GRM1: variants seen among roughly 807,000 people sequenced by gnomAD.
GRM1 encodes the protein metabotropic glutamate receptor 1.
Under a neutral mutation model 90.9 loss-of-function variants are expected in GRM1, and 33 were observed. The ratio of observed to expected loss-of-function variants is 0.36; its 90% confidence interval spans 0.28 to 0.49. GRM1 has a LOEUF of 0.49. Ranked by LOEUF, GRM1 falls within the 20% of genes least tolerant of loss-of-function variation. The pLI is 0.99. For missense variants in GRM1, 1,190 were observed against 1,534.3 expected, an observed-to-expected ratio of 0.78 and a Z score of 3.75; for synonymous variants, 700 against 613.2, an observed-to-expected ratio of 1.14 and a Z score of -2.09.
rs1164238044 is a variant in GRM1, at chr6:146,409,553, T to G, written c.2660+9854T>G. On this transcript the variant is annotated intron_variant, in intron 7 of 7. Coordinates refer to ENST00000282753, the MANE Select transcript of GRM1 (RefSeq NM_001278064.2). ...AAGAAAAGACGAACATTAAGTTTTGTTTTTGTTTTGTTTTGTTTTGTTTTG... is the reference window on the plus strand; with the variant it reads ...AAGAAAAGACGAACATTAAGTTTTGGTTTTGTTTTGTTTTGTTTTGTTTTG... 3.9e-5 allele frequency among the ~76,000 whole-genome samples: 6 copies of G among 152,126 alleles called. No homozygotes were observed. In the East Asian group the frequency reaches 1.2e-3, roughly 30 times the overall value.
chr6:146,256,139 G>T (rs1781469342), intron 2 of GRM1, among the ~76,000 whole-genome samples: 1 of 152,094 alleles, frequency 6.6e-6, no homozygotes, highest in Non-Finnish European at 1.5e-5. Flanking sequence ...GTTCAATCTG[G>T]GATCTGCCAC....
chr6:146,120,075 A>G (rs1209940968), intron 1 of GRM1, among the ~76,000 whole-genome samples: 1 of 152,216 alleles, frequency 6.6e-6, no homozygotes, highest in Non-Finnish European at 1.5e-5. Context: ...ATCCATGAGC[A>G]TGGAGTGTTC....
intron 1 of GRM1, among the ~76,000 whole-genome samples, chr6:146,047,974 C>T (rs1261197994): frequency 2.0e-5 from 3 of 151,976 alleles, no homozygotes; most frequent in African/African-American, 2.4e-5. Context: ...TTATGTCACT[C>T]CTTAATAGCA....
intron 7 of GRM1, among the ~76,000 whole-genome samples, chr6:146,408,729 G>A (rs1020247103): frequency 2.6e-5 from 4 of 152,182 alleles, no homozygotes; most frequent in South Asian, 2.1e-4. Flanking sequence ...CTGTTACTCC[G>A]TGTGAGATGT....
At chr6:146,036,548 T>G (rs1402696786) in intron 1 of GRM1, among the ~76,000 whole-genome samples, 1 of 151,952 alleles carries the variant, frequency 6.6e-6, no homozygotes, top group African/African-American at 2.4e-5. Flanking sequence ...ACATGAGAAA[T>G]TATAATTTTA....
At chr6:146,044,136 T>A (rs1480426554) in intron 1 of GRM1, among the ~76,000 whole-genome samples, 1 of 151,990 alleles carries the variant, frequency 6.6e-6, no homozygotes. Flanking sequence ...TTTGTCCCTT[T>A]TTGACAGGGC....
chr6:146,185,567 C>T (rs1778704143), intron 2 of GRM1, among the ~76,000 whole-genome samples: 1 of 152,220 alleles, frequency 6.6e-6, no homozygotes. Flanking sequence ...TCCACATCCA[C>T]TTTCTGCTTA....
chr6:146,087,630 G>A (rs1420143264), intron 1 of GRM1, among the ~76,000 whole-genome samples: 3 of 152,098 alleles, frequency 2.0e-5, no homozygotes, highest in Admixed American at 6.6e-5. Context: ...AGGCAACCAC[G>A]AATCTGTTTT....
At chr6:146,118,140 C>CTTTTTTTTTTTTTTTTTT (rs67033918) in intron 1 of GRM1, among the ~76,000 whole-genome samples, 6 of 115,444 alleles carry the variant, frequency 5.2e-5, no homozygotes, top group Middle Eastern at 5.4e-3. Flanking sequence ...TTCTTCTTTT[C>CTTTTTTTTTTTTTTTTTT]TTTTTTTTTT....
At chr6:146,268,262 A>G (rs1022806132) in intron 2 of GRM1, among the ~76,000 whole-genome samples, 2 of 152,338 alleles carry the variant, frequency 1.3e-5, no homozygotes, top group South Asian at 2.1e-4. Flanking sequence ...CCCGACCTAC[A>G]GTAACTTTCC....
chr6:146,236,911 G>A (rs1433873491), intron 2 of GRM1, among the ~76,000 whole-genome samples: 1 of 152,048 alleles, frequency 6.6e-6, no homozygotes, highest in African/African-American at 2.4e-5. Context: ...GAAGAGTCTG[G>A]AAGTGGGTCA....
intron 2 of GRM1, among the ~76,000 whole-genome samples, chr6:146,196,499 G>A (rs1204460069): frequency 6.9e-6 from 1 of 145,314 alleles, no homozygotes; most frequent in Non-Finnish European, 1.5e-5. Context: ...TAGAGACGGG[G>A]TTTCACCATG....
rs1785441503 is a variant in GRM1 at position 146,352,476 on chromosome 6, G to C, written c.1413G>C (p.Glu471Asp). ...GVSGEEVWFDEKGDAPGRYDI... is the reference protein window; with the variant it reads ...GVSGEEVWFDDKGDAPGRYDI... The stretch of plus-strand genomic sequence containing the variant: ...CTGGAGAGGAGGTGTGGTTTGATGA[G>C]AAAGGAGACGCTCCTGGAAGGTAAT... Residue 471 changes from glutamate (E) to aspartate (D), a missense_variant, in exon 4 of 8, where the codon GAG becomes GAC. Physicochemically the swap from Glu to Asp is conservative, Grantham distance 45 (BLOSUM62 2). Transcript: ENST00000282753. 2 of 1,613,706 alleles carry C rather than the reference G, an allele frequency of 1.2e-6. No homozygotes were observed. Among genetic ancestry groups the C allele is most frequent in the Non-Finnish European group, 1.7e-6 (2 of 1,179,804 alleles).
intron 1 of GRM1, among the ~76,000 whole-genome samples, chr6:146,064,706 G>A (rs958066568): frequency 4.5e-4 from 67 of 147,306 alleles, no homozygotes; most frequent in African/African-American, 1.6e-3. Context: ...CAGGAGAATC[G>A]CTTGAACCCG....
intron 7 of GRM1, among the ~76,000 whole-genome samples, chr6:146,433,002 C>T (rs558254428): frequency 6.6e-6 from 1 of 152,302 alleles, no homozygotes; most frequent in South Asian, 2.1e-4. Context: ...GTCTCAGTAA[C>T]TGCTGCTTTG....
chr6:146,348,155 A>G (rs1427748101), intron 3 of GRM1, among the ~76,000 whole-genome samples: 1 of 152,226 alleles, frequency 6.6e-6, no homozygotes. Context: ...TAACTCTGAG[A>G]CAAGTGTTAT....
intron 1 of GRM1, among the ~76,000 whole-genome samples, chr6:146,048,910 A>G (rs926048630): frequency 1.3e-5 from 2 of 151,942 alleles, no homozygotes; most frequent in African/African-American, 4.8e-5. Flanking sequence ...TAGCCTCTAG[A>G]ACTGTGAGAG....
At chr6:146,203,732 A>C (rs1331200988) in intron 2 of GRM1, among the ~76,000 whole-genome samples, 2 of 152,212 alleles carry the variant, frequency 1.3e-5, no homozygotes, top group Non-Finnish European at 2.9e-5. Flanking sequence ...TTGTTTAACA[A>C]GGGTTGTAAA....
intron 1 of GRM1, among the ~76,000 whole-genome samples, chr6:146,076,126 G>A (rs1776178050): frequency 6.6e-6 from 1 of 152,112 alleles, no homozygotes; most frequent in African/African-American, 2.4e-5. Flanking sequence ...AGCTGAAGAG[G>A]GTGCATGACT....
Sources: allele counts gnomAD v4.1 joint callset (sites outside exome capture counted in the v4.1 genomes callset), GRCh38; gene constraint gnomAD v4.1.1; transcripts MANE v1.5; gene names NCBI Gene and HGNC (gene_info 2026-07-23, HGNC 2026-07-21).